BIRC6: variants seen among roughly 807,000 people sequenced by gnomAD.
The protein encoded by BIRC6 is baculoviral IAP repeat containing 6, also known as dual E2 ubiquitin-conjugating enzyme/E3 ubiquitin-protein ligase BIRC6.
Under a neutral mutation model 503.3 loss-of-function variants are expected in BIRC6, and 98 were observed. That is an observed-to-expected ratio of 0.19 (90% CI 0.17 to 0.23). The LOEUF (loss-of-function observed/expected upper bound fraction) is 0.23. BIRC6 is among the 10% of genes least tolerant of loss of function. The pLI is 1.00. For synonymous variants in BIRC6, 2,240 were observed against 2,078.7 expected (o/e 1.08, Z -2.11); for missense variants, 5,360 against 5,806.0 (o/e 0.92, Z 2.50).
At chr2:32,441,529 T>C (rs2045433478) in intron 17 of BIRC6, 67 bp downstream of exon 17, 5 of 1,375,896 alleles carry the variant, frequency 3.6e-6, no homozygotes, top group Admixed American at 4.7e-5. Flanking sequence ...ACCACACACA[T>C]ACACACACAA....
At chr2:32,519,817 C>G (rs143091420) in intron 57 of BIRC6, among the ~76,000 whole-genome samples, 2 of 152,126 alleles carry the variant, frequency 1.3e-5, no homozygotes, top group Non-Finnish European at 2.9e-5. Flanking sequence ...CGCGCCTGGC[C>G]CATATCAACT....
intron 10 of BIRC6, among the ~76,000 whole-genome samples, chr2:32,423,674 ACC>A (rs927825547): frequency 6.6e-6 from 1 of 150,628 alleles, no homozygotes. Flanking sequence ...GGGCCCATCC[ACC>A]CCCCCAATCC....
At chr2:32,473,974 C>G (rs1005138262) in intron 33 of BIRC6, among the ~76,000 whole-genome samples, 2 of 151,730 alleles carry the variant, frequency 1.3e-5, no homozygotes, top group Non-Finnish European at 2.9e-5. Context: ...CCAGGCTGCT[C>G]TCAAACTCCT....
chr2:32,396,588 T>C (rs1279524408), intron 6 of BIRC6, among the ~76,000 whole-genome samples: 6 of 152,196 alleles, frequency 3.9e-5, no homozygotes, highest in Non-Finnish European at 8.8e-5. Flanking sequence ...CCAGGACCCA[T>C]TGGATACCTG....
At chr2:32,529,863 A>C (rs757550576) in intron 60 of BIRC6, 39 bp downstream of exon 60, 5 of 1,339,616 alleles carry the variant, frequency 3.7e-6, no homozygotes, top group Non-Finnish European at 4.0e-6. Context: ...ACAGACTGTC[A>C]TACAAAGAGG....
chr2:32,548,365 CTTTTTTTTTTT>C (rs1202755440), intron 64 of BIRC6, among the ~76,000 whole-genome samples: 5 of 73,364 alleles, frequency 6.8e-5, no homozygotes, highest in Non-Finnish European at 1.0e-4. Context: ...TGGTTGCTTA[CTTTTTTTTTTT>C]TTTTTTTTTT....
chr2:32,583,103 C>T (rs547889499), intron 66 of BIRC6, among the ~76,000 whole-genome samples: 6 of 152,144 alleles, frequency 3.9e-5, no homozygotes, highest in Admixed American at 3.3e-4. Context: ...TGTAAACTAG[C>T]GCACTGCTCA....
intron 58 of BIRC6, 143 bp from the exon 59 acceptor site, chr2:32,525,321 G>A (rs983796536): frequency 3.4e-6 from 3 of 891,292 alleles, no homozygotes; most frequent in East Asian, 5.4e-5. Flanking sequence ...AGAATTGGGA[G>A]ATTAGATATT....
At chr2:32,430,547 C>T (rs1192157651) in intron 11 of BIRC6, among the ~76,000 whole-genome samples, 1 of 152,042 alleles carries the variant, frequency 6.6e-6, no homozygotes, top group East Asian at 1.9e-4. Flanking sequence ...AGTACCACTG[C>T]TTTTCTTGCC....
chr2:32,492,370 A>T (rs1428562964), intron 44 of BIRC6, among the ~76,000 whole-genome samples: 1 of 152,068 alleles, frequency 6.6e-6, no homozygotes, highest in Non-Finnish European at 1.5e-5. Flanking sequence ...AATATATTTT[A>T]ATTTTACAGA....
chr2:32,445,774 T>A, intron 21 of BIRC6, 106 bp downstream of exon 21: 9 of 858,586 alleles, frequency 1.0e-5, no homozygotes, highest in Non-Finnish European at 1.3e-5. Flanking sequence ...GTCTTTTTCT[T>A]ACAAAAATGT....
At position 32,509,722 on chromosome 2, in the gene BIRC6, C is replaced by A. The variant is rs1270259863; in HGVS notation, c.9981-16C>A. 5 of 1,613,218 alleles carry A rather than the reference C, an allele frequency of 3.1e-6. No individual in the cohort carries two copies. In the African/African-American group the frequency reaches 5.3e-5, roughly 17 times the overall value. On this transcript the variant is annotated splice_polypyrimidine_tract_variant and intron_variant, in intron 51 of 73. Transcript: ENST00000421745. Reference sequence around the variant, plus strand: ...AGCGACTTATATTGATCATACAAGTCATTTTGTATTTTCAGTATTGGATGG... The same window carrying A: ...AGCGACTTATATTGATCATACAAGTAATTTTGTATTTTCAGTATTGGATGG...
chr2:32,521,532 G>C (rs890167819), intron 57 of BIRC6, among the ~76,000 whole-genome samples: 7 of 151,560 alleles, frequency 4.6e-5, no homozygotes, highest in Admixed American at 2.6e-4. Flanking sequence ...GCAGTGGCGC[G>C]ATCTCGGCTC....
At position 32,405,706 on chromosome 2, in the gene BIRC6, A is replaced by G. The variant is rs537674830; in HGVS notation, c.1419-793A>G. 1.7e-3 allele frequency among the ~76,000 whole-genome samples: 266 copies of G among 152,342 alleles called. 1 individual carries two copies. Among genetic ancestry groups the G allele is most frequent in the South Asian group, 3.5e-3 (17 of 4,832 alleles). ...GCCTCTCCAAAACAAAATACAGAAC[A>G]AAAATAAAATTGCATGTACATGTGA... On this transcript the variant is annotated intron_variant, in intron 8 of 73. Transcript: ENST00000421745.
At chr2:32,367,113 A>G (rs2035052998) in intron 1 of BIRC6, among the ~76,000 whole-genome samples, 1 of 152,218 alleles carries the variant, frequency 6.6e-6, no homozygotes, top group Admixed American at 6.5e-5. Context: ...AAAGAAGGAA[A>G]TACAGACAGG....
Position 32,493,527 on chromosome 2 carries a change from CA to C in BIRC6, c.8341-12del. The C allele has an allele frequency of 6.3e-7, 1 of 1,589,824 alleles. No individual in the cohort carries two copies. Among genetic ancestry groups the C allele is most frequent in the African/African-American group, 1.3e-5 (1 of 74,606 alleles). ...CAGTAAGCAGTTTTCAGTGAATATA[CA>C]TTTCTCTTTAGGTTGGTCCTACAGC... is the stretch of plus-strand genomic sequence containing the variant. On this transcript the variant is annotated splice_polypyrimidine_tract_variant and intron_variant, in intron 44 of 73. Coordinates refer to ENST00000421745, the MANE Select transcript of BIRC6 (RefSeq NM_016252.4).
At chr2:32,609,638 A>C (rs902543754) in intron 72 of BIRC6, among the ~76,000 whole-genome samples, 1 of 151,892 alleles carries the variant, frequency 6.6e-6, no homozygotes, top group African/African-American at 2.4e-5. Context: ...TTTTGCTGTT[A>C]CTGAGTAAAT....
At chr2:32,585,326 C>T (rs1314830335) in intron 66 of BIRC6, among the ~76,000 whole-genome samples, 1 of 151,732 alleles carries the variant, frequency 6.6e-6, no homozygotes, top group Non-Finnish European at 1.5e-5. Flanking sequence ...AAAATTATTT[C>T]ATGCATTCCT....
At chr2:32,451,907 G>T (rs538516089) in intron 22 of BIRC6, among the ~76,000 whole-genome samples, 1 of 152,108 alleles carries the variant, frequency 6.6e-6, no homozygotes, top group African/African-American at 2.4e-5. Context: ...TCAACATTTG[G>T]AATATTTGTA....
Sources: allele counts gnomAD v4.1 joint callset (sites outside exome capture counted in the v4.1 genomes callset), GRCh38; gene constraint gnomAD v4.1.1; transcripts MANE v1.5; gene names NCBI Gene and HGNC (gene_info 2026-07-23, HGNC 2026-07-21).